The following NKAIN3 variants were observed in gnomAD, a reference collection of about 807,000 sequenced individuals.
The protein encoded by NKAIN3 is sodium/potassium-transporting ATPase subunit beta-1-interacting protein 3.
NKAIN3 carries 25 observed loss-of-function variants against 30.2 expected under a neutral mutation model. The observed-to-expected ratio is 0.83, with a 90% CI of 0.60 to 1.16. The LOEUF (loss-of-function observed/expected upper bound fraction) is 1.16. NKAIN3 is among the 50% of genes most tolerant of loss of function. The pLI is 0.00. For synonymous variants in NKAIN3, 91 were observed against 89.6 expected (o/e 1.02, Z -0.09); for missense variants, 225 against 254.1 (o/e 0.89, Z 0.78).
chr8:62,848,692 T>C (rs1819766556), intron 4 of NKAIN3, among the ~76,000 whole-genome samples: 1 of 152,188 alleles, frequency 6.6e-6, no homozygotes, highest in South Asian at 2.1e-4. Flanking sequence ...GGGCCAGAAC[T>C]TCCAATACTA....
chr8:62,985,634 T>C (rs1824185982), downstream of NKAIN3, among the ~76,000 whole-genome samples: 1 of 152,190 alleles, frequency 6.6e-6, no homozygotes, highest in Admixed American at 6.5e-5. Flanking sequence ...GACAGAACAT[T>C]TAACATCTGA....
At position 62,974,639 on chromosome 8, in the gene NKAIN3, C is replaced by T. The variant is rs956302096; in HGVS notation, c.*9232C>T. Among the ~76,000 whole-genome samples, 3 of 152,066 alleles carry T rather than the reference C, an allele frequency of 2.0e-5. No individual in the cohort carries two copies. The highest frequency in any genetic ancestry group is 7.2e-5 in the African/African-American group (3 of 41,420). On this transcript the variant is annotated 3_prime_UTR_variant, in exon 7 of 7. Coordinates refer to ENST00000623646, the MANE Select transcript of NKAIN3 (RefSeq NM_001304533.3). ...TAATTTGACTTTCTCTCTTCCTATT[C>T]GAATACGCTTTATTTCATTCTCTTG...
At chr8:62,881,496 T>G (rs1209921042) in intron 4 of NKAIN3, among the ~76,000 whole-genome samples, 1 of 152,194 alleles carries the variant, frequency 6.6e-6, no homozygotes, top group Non-Finnish European at 1.5e-5. Context: ...ATAAAAGGTG[T>G]GTGGTACTAG....
intron 1 of NKAIN3, among the ~76,000 whole-genome samples, chr8:62,522,466 T>C (rs1290623574): frequency 6.6e-6 from 1 of 152,018 alleles, no homozygotes; most frequent in Non-Finnish European, 1.5e-5. Flanking sequence ...TCTCTAATTA[T>C]TAAAAAAAAA....
At chr8:62,398,301 T>A (rs1448683232) in intron 1 of NKAIN3, among the ~76,000 whole-genome samples, 1 of 152,222 alleles carries the variant, frequency 6.6e-6, no homozygotes, top group Non-Finnish European at 1.5e-5. Flanking sequence ...AACATCTGAA[T>A]TTCCTGCTGT....
intron 5 of NKAIN3, among the ~76,000 whole-genome samples, chr8:62,994,940 A>C (rs1447768110): frequency 6.6e-6 from 1 of 152,232 alleles, no homozygotes; most frequent in African/African-American, 2.4e-5. Context: ...GTGTTAACTA[A>C]GGCCATTAAA....
At chr8:62,629,931 T>C (rs1811903158) in intron 3 of NKAIN3, among the ~76,000 whole-genome samples, 1 of 152,122 alleles carries the variant, frequency 6.6e-6, no homozygotes, top group South Asian at 2.1e-4. Flanking sequence ...TAGTCTCCAC[T>C]TATCTGTGGT....
At chr8:62,575,909 C>A (rs563714383) in intron 1 of NKAIN3, among the ~76,000 whole-genome samples, 2 of 152,204 alleles carry the variant, frequency 1.3e-5, no homozygotes, top group South Asian at 4.1e-4. Context: ...AACTGAGTAT[C>A]CATATGCAGA....
chr8:62,424,345 C>T (rs1804735370), intron 1 of NKAIN3, among the ~76,000 whole-genome samples: 1 of 151,586 alleles, frequency 6.6e-6, no homozygotes, highest in Non-Finnish European at 1.5e-5. Flanking sequence ...AAACATTTAA[C>T]AGAGTAAAAA....
chr8:62,529,423 G>A lies in NKAIN3; in HGVS notation c.55-50116G>A, dbSNP rs1388707498. Among the ~76,000 whole-genome samples the A allele has an allele frequency of 2.0e-5, 3 of 152,082 alleles. No homozygotes were observed. In the East Asian group the frequency reaches 5.8e-4, roughly 29 times the overall value. On this transcript the variant is annotated intron_variant, in intron 1 of 6. Coordinates refer to ENST00000623646, the MANE Select transcript of NKAIN3 (RefSeq NM_001304533.3). Reference sequence around the variant, plus strand: ...AACAACAACAAAAAATTCAGACATTGAAATCCTAACAACGAACGTGATAGT... The same window carrying A: ...AACAACAACAAAAAATTCAGACATTAAAATCCTAACAACGAACGTGATAGT...
chr8:62,589,857 C>T (rs1317399156), intron 3 of NKAIN3, 63 bp downstream of exon 3: 5 of 776,898 alleles, frequency 6.4e-6, no homozygotes, highest in Non-Finnish European at 1.1e-5. Context: ...ATTGTGACTA[C>T]ATACATATAT....
At chr8:62,509,770 T>C (rs11782265) in intron 1 of NKAIN3, among the ~76,000 whole-genome samples, 56,183 of 152,056 alleles carry the variant, frequency 0.37, 12,071 homozygotes, top group Non-Finnish European at 0.49. Context: ...TCTCTATTAC[T>C]AGCCTCATTT....
Position 62,858,695 on chromosome 8 carries a change from C to G in NKAIN3, c.472-59758C>G, listed in dbSNP as rs547156910. Reference sequence around the variant, plus strand: ...CTTCCTCATCCAGACCATTTGGACTCTTCAAAGTCCACAGGCTGGAACAGC... The same window carrying G: ...CTTCCTCATCCAGACCATTTGGACTGTTCAAAGTCCACAGGCTGGAACAGC... On this transcript the variant is annotated intron_variant, in intron 4 of 6. Coordinates refer to ENST00000623646, the MANE Select transcript of NKAIN3 (RefSeq NM_001304533.3). Among the ~76,000 whole-genome samples the G allele has an allele frequency of 2.6e-5, 4 of 152,230 alleles. No individual in the cohort carries two copies. In the South Asian group the frequency reaches 8.3e-4, roughly 32 times the overall value.
chr8:62,467,763 T>TTTAC (rs1806205610), intron 1 of NKAIN3, among the ~76,000 whole-genome samples: 1 of 151,962 alleles, frequency 6.6e-6, no homozygotes, highest in Non-Finnish European at 1.5e-5. Flanking sequence ...GAGTTTTTAT[T>TTTAC]TTATTTATTT....
intron 4 of NKAIN3, among the ~76,000 whole-genome samples, chr8:62,843,870 G>T (rs984464562): frequency 1.3e-5 from 2 of 152,044 alleles, no homozygotes; most frequent in African/African-American, 4.8e-5. Context: ...GCTGTTCACT[G>T]CAACCTCACT....
intron 2 of NKAIN3, among the ~76,000 whole-genome samples, chr8:62,584,620 G>A (rs1230823232): frequency 3.3e-5 from 5 of 152,090 alleles, no homozygotes; most frequent in Admixed American, 3.3e-4. Context: ...TTGTGTTTTC[G>A]AAAGACCACA....
intron 1 of NKAIN3, among the ~76,000 whole-genome samples, chr8:62,536,276 C>T (rs1335204688): frequency 3.3e-5 from 5 of 152,224 alleles, no homozygotes; most frequent in African/African-American, 1.2e-4. Flanking sequence ...TGCGGGCAAG[C>T]TCCAAGATGA....
intron 3 of NKAIN3, among the ~76,000 whole-genome samples, chr8:62,631,556 A>G (rs2130266089): frequency 6.6e-6 from 1 of 152,284 alleles, no homozygotes; most frequent in East Asian, 1.9e-4. Flanking sequence ...AATATTTAGC[A>G]AGATACTCAG....
At chr8:62,434,444 G>A (rs1011057025) in intron 1 of NKAIN3, among the ~76,000 whole-genome samples, 6 of 152,092 alleles carry the variant, frequency 3.9e-5, no homozygotes, top group African/African-American at 1.2e-4. Context: ...CAGGAGGATC[G>A]TTTTCTTTGA....
Sources: gnomAD v4.1 joint callset for allele counts (sites outside exome capture counted in the v4.1 genomes callset) on GRCh38, gnomAD v4.1.1 for gene constraint, MANE v1.5 for transcripts, NCBI Gene and HGNC (gene_info 2026-07-23, HGNC 2026-07-21) for gene names.